The following KIAA1958 variants were observed in gnomAD, a reference collection of about 807,000 sequenced individuals.
KIAA1958 encodes KIAA1958.
A neutral mutation model predicts 47.2 loss-of-function variants in KIAA1958; 14 were observed. The observed-to-expected ratio is 0.30, with a 90% CI of 0.20 to 0.46. The LOEUF (loss-of-function observed/expected upper bound fraction) is 0.46. Ranked by LOEUF, KIAA1958 falls within the 20% of genes least tolerant of loss-of-function variation. The pLI is 1.00. For synonymous variants in KIAA1958, 354 were observed against 353.3 expected (o/e 1.00, Z -0.02); for missense variants, 803 against 909.2 (o/e 0.88, Z 1.50).
Position 112,661,802 on chromosome 9 carries a change from A to G in KIAA1958, c.*1733A>G, listed in dbSNP as rs1837282485. ...TTTAATCATCAGTGTATGACTTGAT[A>G]TCACATAACGTTCTGGTGTGGTTTC... On this transcript the variant is annotated 3_prime_UTR_variant, in exon 4 of 4. Transcript: ENST00000337530. 6.6e-6 allele frequency: 1 copy of G among 152,250 alleles called. No individual in the cohort carries two copies. The highest frequency in any genetic ancestry group is 2.4e-5 in the African/African-American group (1 of 41,464). 9.4% of individuals were successfully genotyped at this position (152,250 alleles called of 1,614,324 possible).
chr9:112,516,187 T>C (rs1443138584), intron 1 of KIAA1958, among the ~76,000 whole-genome samples: 1 of 152,120 alleles, frequency 6.6e-6, no homozygotes, highest in African/African-American at 2.4e-5. Context: ...TAGAAGTTAA[T>C]TGTTCTAGCA....
intron 2 of KIAA1958, among the ~76,000 whole-genome samples, chr9:112,622,936 G>T (rs560958501): frequency 6.6e-6 from 1 of 152,092 alleles, no homozygotes; most frequent in Non-Finnish European, 1.5e-5. Flanking sequence ...ATTTATAAAA[G>T]ACATTGTAAT....
At chr9:112,616,665 C>G (rs1049364258) in intron 2 of KIAA1958, among the ~76,000 whole-genome samples, 2 of 152,094 alleles carry the variant, frequency 1.3e-5, no homozygotes, top group African/African-American at 4.8e-5. Flanking sequence ...TATTTCTATG[C>G]CTTCTTTAGG....
chr9:112,601,009 G>A (rs1260067627), intron 2 of KIAA1958, among the ~76,000 whole-genome samples: 3 of 152,186 alleles, frequency 2.0e-5, no homozygotes, highest in African/African-American at 7.2e-5. Flanking sequence ...TCATTAAGTG[G>A]CAGAGCTGGA....
chr9:112,618,607 C>T lies in KIAA1958; in HGVS notation c.1172-27043C>T. On this transcript the variant is annotated intron_variant, in intron 2 of 3. Transcript: ENST00000337530. The surrounding 1 kb of genome is among the most constrained non-coding windows in gnomAD (Gnocchi z 7.1). The stretch of plus-strand genomic sequence containing the variant: ...CTCCCGCCATGCGCTACGAGGATGC[C>T]CCTTTCTACTTATCCATCAAGCCAG... 2 of 1,550,634 alleles carry T rather than the reference C, an allele frequency of 1.3e-6. No individual in the cohort carries two copies. Among genetic ancestry groups the T allele is most frequent in the Non-Finnish European group, 1.7e-6 (2 of 1,146,996 alleles).
At chr9:112,635,214 T>TTGTG (rs71999105) in intron 2 of KIAA1958, among the ~76,000 whole-genome samples, 3,419 of 130,342 alleles carry the variant, frequency 0.026, 84 homozygotes, top group East Asian at 0.099. Flanking sequence ...ATTCTTTATT[T>TTGTG]TGTGTGTGTG....
chr9:112,502,004 C>G (rs2132766354), intron 1 of KIAA1958, among the ~76,000 whole-genome samples: 1 of 152,278 alleles, frequency 6.6e-6, no homozygotes, highest in East Asian at 1.9e-4. Flanking sequence ...CCATGATAAT[C>G]ACACACAAAA....
intron 1 of KIAA1958, among the ~76,000 whole-genome samples, chr9:112,560,141 C>T (rs1296445932): frequency 6.7e-6 from 1 of 149,752 alleles, no homozygotes; most frequent in Admixed American, 6.6e-5. Context: ...TCAAGCAATC[C>T]TTCTGCCTTG....
At chr9:112,496,845 A>G (rs1429421734) in intron 1 of KIAA1958, among the ~76,000 whole-genome samples, 1 of 152,128 alleles carries the variant, frequency 6.6e-6, no homozygotes, top group Non-Finnish European at 1.5e-5. Flanking sequence ...CCCAGCTCTT[A>G]GAATCACCAG....
At position 112,659,528 on chromosome 9, in the gene KIAA1958, A is replaced by G. The variant is rs774664750; in HGVS notation, c.1610A>G (p.Asp537Gly). The G allele has an allele frequency of 1.2e-6, 2 of 1,613,214 alleles. No homozygotes were observed. The highest frequency in any genetic ancestry group is 1.7e-6 in the Non-Finnish European group (2 of 1,179,622). ...SRNIVYFSLS[D>G]EEEMWQAGCL... ...AACATCGTCTACTTCTCCCTTTCTG[A>G]CGAGGAGGAGATGTGGCAGGCAGGG... The change falls in exon 4 of 4, where the codon GAC becomes GGC. Residue 537 changes from aspartate (D) to glycine (G), a missense_variant. Coordinates refer to ENST00000337530, the MANE Select transcript of KIAA1958 (RefSeq NM_133465.4).
Position 112,575,209 on chromosome 9 carries a change from G to T in KIAA1958, c.1129G>T (p.Ala377Ser), listed in dbSNP as rs747611480. ...CTCCAGTCAGCAGCAGCCCCCAGTC[G>T]CTCCAGCCATAACCACTGAGGCCAC... ...VSSSQQQPPV[A>S]PAITTEATAQ... The change falls in exon 2 of 4, where the codon GCT becomes TCT. Residue 377 changes from alanine to serine, a missense_variant. By Grantham distance (99) the Ala-to-Ser change is moderately conservative. Coordinates refer to ENST00000337530, the MANE Select transcript of KIAA1958 (RefSeq NM_133465.4). The T allele has an allele frequency of 7.6e-6, 12 of 1,573,130 alleles. No individual in the cohort carries two copies. Among genetic ancestry groups the T allele is most frequent in the African/African-American group, 1.3e-5 (1 of 74,620 alleles).
At chr9:112,513,127 C>T (rs898551308) in intron 1 of KIAA1958, among the ~76,000 whole-genome samples, 4 of 149,716 alleles carry the variant, frequency 2.7e-5, no homozygotes, top group African/African-American at 7.4e-5. Flanking sequence ...GCTTCAGCCT[C>T]CAGAGTAGCT....
chr9:112,635,647 A>G (rs1284864901), intron 2 of KIAA1958, among the ~76,000 whole-genome samples: 1 of 152,046 alleles, frequency 6.6e-6, no homozygotes, highest in Non-Finnish European at 1.5e-5. Context: ...ATTTTATCCA[A>G]ATTTTCAAAT....
intron 2 of KIAA1958, among the ~76,000 whole-genome samples, chr9:112,587,715 G>A (rs1816279700): frequency 6.6e-6 from 1 of 151,836 alleles, no homozygotes; most frequent in Admixed American, 6.6e-5. Flanking sequence ...CTTTATTTTT[G>A]TCATGGTAAT....
At chr9:112,647,898 A>C (rs1837003019) in intron 3 of KIAA1958, among the ~76,000 whole-genome samples, 1 of 152,254 alleles carries the variant, frequency 6.6e-6, no homozygotes, top group Non-Finnish European at 1.5e-5. Flanking sequence ...ACAGTTTAGA[A>C]AGGCTGAGGA....
chr9:112,559,694 G>A (rs1835295194), intron 1 of KIAA1958, among the ~76,000 whole-genome samples: 1 of 152,170 alleles, frequency 6.6e-6, no homozygotes, highest in South Asian at 2.1e-4. Context: ...ACTCTGTTAA[G>A]CCTTGGACAA....
intron 1 of KIAA1958, among the ~76,000 whole-genome samples, chr9:112,541,268 A>G (rs1834937220): frequency 6.6e-6 from 1 of 152,148 alleles, no homozygotes. Context: ...TTTTTGATAA[A>G]TATTATTGAT....
chr9:112,506,000 A>G (rs879396531), intron 1 of KIAA1958, among the ~76,000 whole-genome samples: 8 of 152,218 alleles, frequency 5.3e-5, no homozygotes, highest in African/African-American at 1.9e-4. Flanking sequence ...GTCCCTTAGT[A>G]TCAAAGAGAC....
In KIAA1958 at chr9:112,618,532, C is replaced by T; in HGVS notation, c.1172-27118C>T. ...CCCGTGTGTATGCCACCCAGCACGC[C>T]CCACAGACCTGCCCTGTCCAGGACT... On this transcript the variant is annotated intron_variant, in intron 2 of 3. Transcript: ENST00000337530. This position sits in a 1 kb window ranked among gnomAD's most constrained non-coding sequence, Gnocchi z 7.1. 1.3e-6 allele frequency: 2 copies of T among 1,550,696 alleles called. No homozygotes were observed. Among genetic ancestry groups the T allele is most frequent in the Non-Finnish European group, 1.7e-6 (2 of 1,147,014 alleles).
Sources: allele counts gnomAD v4.1 joint callset (sites outside exome capture counted in the v4.1 genomes callset), GRCh38; gene constraint gnomAD v4.1.1; non-coding constraint Gnocchi (gnomAD v3.1); transcripts MANE v1.5; gene names NCBI Gene and HGNC (gene_info 2026-07-23, HGNC 2026-07-21).